The following PSMD1 variants were observed in gnomAD, a reference collection of about 807,000 sequenced individuals.
PSMD1 encodes proteasome 26S subunit, non-ATPase 1.
PSMD1 carries 18 observed loss-of-function variants against 119.0 expected under a neutral mutation model. The observed-to-expected ratio is 0.15, with a 90% CI of 0.10 to 0.22. The LOEUF (loss-of-function observed/expected upper bound fraction) is 0.22, where lower values mean the gene tolerates loss of function less well. Among genes scored for constraint, PSMD1 ranks in the 10% least tolerant of loss-of-function variants. The pLI is 1.00. For missense variants in PSMD1, 702 were observed against 1,158.5 expected (o/e 0.61, Z 5.72); for synonymous variants, 374 against 396.6 (o/e 0.94, Z 0.68).
chr2:231,133,251 A>T (rs1025874284), intron 16 of PSMD1, among the ~76,000 whole-genome samples: 5 of 152,056 alleles, frequency 3.3e-5, no homozygotes, highest in African/African-American at 1.2e-4. Context: ...CACCCGGCTA[A>T]TTTTTGTAGT....
intron 16 of PSMD1, among the ~76,000 whole-genome samples, chr2:231,131,025 C>T (rs1360875490): frequency 6.6e-6 from 1 of 152,180 alleles, no homozygotes; most frequent in African/African-American, 2.4e-5. Flanking sequence ...TAGGTTCTCT[C>T]TTCATCTCTT....
Position 231,146,313 on chromosome 2 carries a change from C to T in PSMD1, c.2072C>T (p.Ser691Leu). 6.2e-7 allele frequency: 1 copy of T among 1,613,904 alleles called. No homozygotes were observed. Among genetic ancestry groups the T allele is most frequent in the Non-Finnish European group, 8.5e-7 (1 of 1,179,846 alleles). Residue 691 changes from serine (S) to leucine (L), a missense_variant, in exon 18 of 25, where the codon TCA (serine) becomes TTA (leucine). Ser to Leu is a moderately radical substitution (Grantham distance 145). Coordinates refer to ENST00000308696, the MANE Select transcript of PSMD1 (RefSeq NM_002807.4). ...NYVRQGALIA[S>L]ALIMIQQTEI... ...GTGAGGCAAGGGGCACTCATAGCTTCAGCTCTCATCATGATCCAGCAGACT... is the reference window on the plus strand; with the variant it reads ...GTGAGGCAAGGGGCACTCATAGCTTTAGCTCTCATCATGATCCAGCAGACT...
intron 16 of PSMD1, chr2:231,123,645 T>A: frequency 1.9e-6 from 3 of 1,614,054 alleles, no homozygotes; most frequent in Non-Finnish European, 2.5e-6. Context: ...TCATTTCCTC[T>A]GGTATTGATT....
At chr2:231,063,618 T>G (rs1693816243) in intron 4 of PSMD1, among the ~76,000 whole-genome samples, 1 of 152,232 alleles carries the variant, frequency 6.6e-6, no homozygotes, top group South Asian at 2.1e-4. Context: ...GTGTTCATGT[T>G]TTTAAAGTTT....
At chr2:231,118,248 CTAT>C (rs752767303) in intron 16 of PSMD1, among the ~76,000 whole-genome samples, 26 of 152,126 alleles carry the variant, frequency 1.7e-4, no homozygotes, top group Non-Finnish European at 2.8e-4. Context: ...GTGCTTATTA[CTAT>C]TGTTTAACAG....
At chr2:231,076,036 A>G (rs1328694157) in intron 8 of PSMD1, among the ~76,000 whole-genome samples, 1 of 152,210 alleles carries the variant, frequency 6.6e-6, no homozygotes, top group Non-Finnish European at 1.5e-5. Flanking sequence ...ATAAAAATGA[A>G]TTTTCTGTAA....
At chr2:231,157,860 C>T (rs1392955281) in intron 19 of PSMD1, among the ~76,000 whole-genome samples, 2 of 152,098 alleles carry the variant, frequency 1.3e-5, no homozygotes, top group East Asian at 3.9e-4. Context: ...AGCCACCACA[C>T]CTGGCCCTAC....
chr2:231,097,617 T>C (rs1180253013), intron 16 of PSMD1, among the ~76,000 whole-genome samples: 1 of 152,202 alleles, frequency 6.6e-6, no homozygotes, highest in Non-Finnish European at 1.5e-5. Flanking sequence ...TTGTAATAGA[T>C]GTAGTTTATA....
At chr2:231,133,616 T>C (rs1209366456) in intron 16 of PSMD1, 1 of 152,172 alleles carries the variant, frequency 6.6e-6, no homozygotes, top group Non-Finnish European at 1.5e-5. Context: ...GGGACTGCTT[T>C]CAGGTAGTTC....
At position 231,080,192 on chromosome 2, in the gene PSMD1, A is replaced by G; in HGVS notation, c.1291A>G (p.Thr431Ala). The G allele has an allele frequency of 1.9e-6, 3 of 1,613,876 alleles. No homozygotes were observed. Among genetic ancestry groups the G allele is most frequent in the Non-Finnish European group, 2.5e-6 (3 of 1,179,826 alleles). The stretch of plus-strand genomic sequence containing the variant: ...AATGGCAACATACCTTCCCAAGGAT[A>G]CTTCTCCAGGATCAGCCTATCAGGA... ...QLMATYLPKD[T>A]SPGSAYQEGG... Residue 431 changes from threonine (T) to alanine (A), a missense_variant, in exon 12 of 25, where the codon ACT (threonine) becomes GCT (alanine). Transcript: ENST00000308696.
chr2:231,057,482 G>T (rs1693632147), intron 1 of PSMD1, among the ~76,000 whole-genome samples: 1 of 152,234 alleles, frequency 6.6e-6, no homozygotes. Flanking sequence ...CTACAGAAGT[G>T]TTTCTGGACG....
chr2:231,117,682 G>T (rs1182484845), intron 16 of PSMD1, among the ~76,000 whole-genome samples: 10 of 152,066 alleles, frequency 6.6e-5, no homozygotes, highest in African/African-American at 1.9e-4. Context: ...ATTTTTATTT[G>T]TCTCCCAGAC....
chr2:231,111,702 T>C (rs1462302468), intron 16 of PSMD1, among the ~76,000 whole-genome samples: 2 of 152,208 alleles, frequency 1.3e-5, no homozygotes, highest in Non-Finnish European at 2.9e-5. Flanking sequence ...AGAGCGTTGA[T>C]TTTGGCCTTG....
rs114446144 is a variant in PSMD1, at chr2:231,065,052, C to T, written c.305-1854C>T. The stretch of plus-strand genomic sequence containing the variant: ...CCAATTTATAAAAGTCCTCTGCTTC[C>T]TTCAAGATATAGACCCATTTAACCC... On this transcript the variant is annotated intron_variant, in intron 4 of 24. Coordinates refer to ENST00000308696, the MANE Select transcript of PSMD1 (RefSeq NM_002807.4). Among the ~76,000 whole-genome samples, 954 of 149,680 alleles carry T rather than the reference C, an allele frequency of 6.4e-3. 11 individuals are homozygous for T. Among genetic ancestry groups the T allele is most frequent in the African/African-American group, 0.023 (911 of 40,394 alleles).
intron 16 of PSMD1, chr2:231,123,861 C>T: frequency 9.9e-7 from 1 of 1,011,676 alleles, no homozygotes; most frequent in Non-Finnish European, 1.6e-6. Context: ...TGTAACCATG[C>T]CAAACACTCA....
Position 231,138,846 on chromosome 2 carries a change from A to G in PSMD1, c.1994A>G (p.Asn665Ser). 1 of 1,612,904 alleles carries G rather than the reference A, an allele frequency of 6.2e-7. No homozygotes were observed. Among genetic ancestry groups the G allele is most frequent in the Non-Finnish European group, 8.5e-7 (1 of 1,178,902 alleles). ...ALGICCAGTG[N>S]KEAINLLEPM... Reference sequence around the variant, plus strand: ...GGGATATGCTGTGCTGGTACAGGAAACAAGGTAAAGCCCACAGCCAATGGG... The same window carrying G: ...GGGATATGCTGTGCTGGTACAGGAAGCAAGGTAAAGCCCACAGCCAATGGG... Residue 665 changes from asparagine to serine, a missense_variant, in exon 17 of 25, where the codon AAC (asparagine) becomes AGC (serine). Physicochemically the swap from Asn to Ser is conservative, Grantham distance 46 (BLOSUM62 1). Transcript: ENST00000308696.
At chr2:231,123,705 C>A in intron 16 of PSMD1, 1 of 1,614,096 alleles carries the variant, frequency 6.2e-7, no homozygotes, top group South Asian at 1.1e-5. Flanking sequence ...CAAAGGTGCT[C>A]TGCAAAATGT....
At chr2:231,147,188 A>T (rs1472008390) in intron 18 of PSMD1, among the ~76,000 whole-genome samples, 1 of 152,130 alleles carries the variant, frequency 6.6e-6, no homozygotes, top group African/African-American at 2.4e-5. Flanking sequence ...GTTTTGAGAC[A>T]CCTGTTTTAA....
Position 231,083,709 on chromosome 2 carries a change from G to A in PSMD1, c.1668G>A (p.Met556Ile). 1.9e-6 allele frequency: 3 copies of A among 1,614,198 alleles called. No homozygotes were observed. Among genetic ancestry groups the A allele is most frequent in the Non-Finnish European group, 2.5e-6 (3 of 1,180,038 alleles). ...RGLAVGIALVMYGRMEEADAL... is the reference protein window; with the variant it reads ...RGLAVGIALVIYGRMEEADAL... Reference sequence around the variant, plus strand: ...TTGCAGTTGGCATAGCTTTAGTAATGTATGGGAGGATGGAAGAGGCTGATG... The same window carrying A: ...TTGCAGTTGGCATAGCTTTAGTAATATATGGGAGGATGGAAGAGGCTGATG... Residue 556 changes from methionine (M) to isoleucine (I), a missense_variant, in exon 14 of 25, where the codon ATG becomes ATA. Met to Ile is a conservative substitution (Grantham distance 10). This residue lies in a region of PSMD1 where 272 missense variants were observed against 511.6 expected (regional missense o/e 0.53). Transcript: ENST00000308696.
Sources: allele counts gnomAD v4.1 joint callset (sites outside exome capture counted in the v4.1 genomes callset), GRCh38; gene constraint gnomAD v4.1.1; regional missense constraint gnomAD v4.1.1; transcripts MANE v1.5; gene names NCBI Gene and HGNC (gene_info 2026-07-23, HGNC 2026-07-21).